The following KNTC1 variants were observed in gnomAD, a reference collection of about 807,000 sequenced individuals.
KNTC1 encodes kinetochore associated 1.
A neutral mutation model predicts 314.4 loss-of-function variants in KNTC1; 253 were observed. That is an observed-to-expected ratio of 0.80 (90% CI 0.73 to 0.89). The LOEUF is 0.89. Ranked by LOEUF, KNTC1 falls within the 40% of genes least tolerant of loss-of-function variation. KNTC1 has a pLI of 0.00. For synonymous variants in KNTC1, 901 were observed against 901.4 expected, an observed-to-expected ratio of 1.00 and a Z score of 0.01; for missense variants, 2,475 against 2,572.9, an observed-to-expected ratio of 0.96 and a Z score of 0.82.
At chr12:122,563,760 T>C (rs544265317) in intron 20 of KNTC1, 2 of 1,449,638 alleles carry the variant, frequency 1.4e-6, no homozygotes, top group East Asian at 5.0e-5. Flanking sequence ...CTGGCTCTTC[T>C]TGTAACGCCA....
At chr12:122,600,098 T>TTTG (rs897509313) in intron 44 of KNTC1, among the ~76,000 whole-genome samples, 15 of 152,004 alleles carry the variant, frequency 9.9e-5, no homozygotes, top group East Asian at 1.9e-4. Context: ...TGTTTTTGTT[T>TTTG]TTGTTGTTGT....
chr12:122,604,649 C>G lies in KNTC1; in HGVS notation c.5175+12C>G. 6.4e-7 allele frequency: 1 copy of G among 1,557,074 alleles called. No individual in the cohort carries two copies. The highest frequency in any genetic ancestry group is 8.8e-7 in the Non-Finnish European group (1 of 1,130,354). Reference sequence around the variant, plus strand: ...ATATCCCATCGCAGGTGTGTCTGAACTATCAGATTGGCGGCTTCTCTTCTT... The same window carrying G: ...ATATCCCATCGCAGGTGTGTCTGAAGTATCAGATTGGCGGCTTCTCTTCTT... On this transcript the variant is annotated intron_variant, in intron 49 of 63. Coordinates refer to ENST00000333479, the MANE Select transcript of KNTC1 (RefSeq NM_014708.6).
chr12:122,554,076 A>AAAAAAAAAATATATATATAT (rs370146333), intron 16 of KNTC1, among the ~76,000 whole-genome samples: 1 of 109,060 alleles, frequency 9.2e-6, no homozygotes, highest in African/African-American at 3.9e-5. Flanking sequence ...AAAAAAAAAA[A>AAAAAAAAAATATATATATAT]ATATATATAT....
intron 18 of KNTC1, among the ~76,000 whole-genome samples, chr12:122,560,261 T>G (rs552300740): frequency 2.6e-5 from 4 of 152,220 alleles, no homozygotes; most frequent in Non-Finnish European, 5.9e-5. Flanking sequence ...TTCCACATTT[T>G]TGCTGCTGTG....
chr12:122,609,641 C>T (rs185995645), intron 52 of KNTC1, among the ~76,000 whole-genome samples: 2 of 151,820 alleles, frequency 1.3e-5, no homozygotes, highest in African/African-American at 4.8e-5. Context: ...TGAACTCCTG[C>T]GAGGGCGAGG....
chr12:122,619,845 C>T (rs749575795), intron 59 of KNTC1, among the ~76,000 whole-genome samples: 1 of 152,114 alleles, frequency 6.6e-6, no homozygotes. Context: ...TTGGTGACTA[C>T]CCTAAATCAT....
At chr12:122,588,297 G>A (rs533212794) in intron 39 of KNTC1, among the ~76,000 whole-genome samples, 47 of 152,252 alleles carry the variant, frequency 3.1e-4, no homozygotes, top group Admixed American at 9.8e-4. Flanking sequence ...GTATCATTGA[G>A]CATCATTGAA....
intron 54 of KNTC1, 99 bp from the exon 55 acceptor site, chr12:122,613,527 T>C (rs1873411323): frequency 2.5e-6 from 3 of 1,183,096 alleles, no homozygotes; most frequent in Admixed American, 6.4e-5. Flanking sequence ...AAAATGGACA[T>C]TTAAAACAAA....
chr12:122,621,745 T>C (rs560909018), intron 60 of KNTC1, 136 bp from the exon 61 acceptor site: 52 of 600,246 alleles, frequency 8.7e-5, no homozygotes, highest in Admixed American at 2.7e-4. Flanking sequence ...CACTCATTCC[T>C]TGATGTCGTT....
At chr12:122,604,659 G>A in intron 49 of KNTC1, 22 bp downstream of exon 49, 1 of 1,507,822 alleles carries the variant, frequency 6.6e-7, no homozygotes, top group Admixed American at 1.7e-5. Flanking sequence ...CTATCAGATT[G>A]GCGGCTTCTC....
At chr12:122,546,407 C>A in intron 9 of KNTC1, 138 bp downstream of exon 9, 1 of 668,270 alleles carries the variant, frequency 1.5e-6, no homozygotes, top group Non-Finnish European at 2.6e-6. Context: ...TGGTTGTTCA[C>A]ATACAGAACA....
intron 62 of KNTC1, among the ~76,000 whole-genome samples, chr12:122,623,177 A>G (rs1367175433): frequency 6.6e-6 from 1 of 152,202 alleles, no homozygotes; most frequent in Non-Finnish European, 1.5e-5. Context: ...CTACATTACA[A>G]TTTTATGTCT....
Position 122,588,714 on chromosome 12 carries a change from A to G in KNTC1, c.3897A>G (p.Leu1299=), listed in dbSNP as rs374242290. The stretch of plus-strand genomic sequence containing the variant: ...ATTTTTTTCTTCTTTTCTAAAAGTT[A>G]TTTGGAGAGACTACATTAGTTAAAT... ...NFMNATLSEK[L]FGETTLVKSR... is the part of the protein sequence containing the mutation. Residue 1299 remains leucine (L), a splice_region_variant and synonymous_variant, in exon 40 of 64, where the codon TTA becomes TTG. Transcript: ENST00000333479. The G allele has an allele frequency of 1.3e-6, 2 of 1,509,808 alleles. No individual in the cohort carries two copies. Among genetic ancestry groups the G allele is most frequent in the Non-Finnish European group, 1.8e-6 (2 of 1,130,092 alleles). The allele number at this position is 1,509,808 out of a possible 1,614,324, so 93.5% of individuals were successfully genotyped here.
At chr12:122,599,434 C>T (rs961865336) in intron 44 of KNTC1, among the ~76,000 whole-genome samples, 1 of 151,702 alleles carries the variant, frequency 6.6e-6, no homozygotes, top group Non-Finnish European at 1.5e-5. Context: ...AGTCTCGGCT[C>T]GCTGTAGCCT....
chr12:122,579,505 A>T (rs914306493), intron 31 of KNTC1, among the ~76,000 whole-genome samples: 3 of 152,022 alleles, frequency 2.0e-5, no homozygotes, highest in African/African-American at 7.2e-5. Flanking sequence ...CCTTCTCTTA[A>T]AATTTTTTTA....
intron 3 of KNTC1, among the ~76,000 whole-genome samples, chr12:122,535,319 T>C (rs1317850956): frequency 2.0e-5 from 3 of 149,832 alleles, no homozygotes; most frequent in African/African-American, 7.4e-5. Context: ...CGGTCAGGAG[T>C]TCAAGACCAG....
chr12:122,541,785 C>T (rs1962357663), intron 5 of KNTC1, among the ~76,000 whole-genome samples: 1 of 151,852 alleles, frequency 6.6e-6, no homozygotes, highest in Admixed American at 6.6e-5. Context: ...CTTTGGGAGG[C>T]TGAGGCAAGC....
At chr12:122,551,978 GCTCA>G (rs1963228927) in intron 16 of KNTC1, among the ~76,000 whole-genome samples, 1 of 151,962 alleles carries the variant, frequency 6.6e-6, no homozygotes, top group Non-Finnish European at 1.5e-5. Context: ...TACAATCTCA[GCTCA>G]CTGCAACCTC....
intron 36 of KNTC1, 115 bp downstream of exon 36, chr12:122,585,105 A>G (rs1869049076): frequency 1.5e-6 from 1 of 646,908 alleles, no homozygotes; most frequent in Admixed American, 2.7e-5. Flanking sequence ...TGGCATGATC[A>G]AGGCTTACTG....
Sources: gnomAD v4.1 joint callset for allele counts (sites outside exome capture counted in the v4.1 genomes callset) on GRCh38, gnomAD v4.1.1 for gene constraint, MANE v1.5 for transcripts, NCBI Gene and HGNC (gene_info 2026-07-23, HGNC 2026-07-21) for gene names.